The following UGT2B7 variants were observed in gnomAD, a reference collection of about 807,000 sequenced individuals.
UGT2B7 encodes the protein UDP-glucuronosyltransferase 2B7.
In UGT2B7, 51 loss-of-function variants were observed where a neutral mutation model predicts 51.9. The ratio of observed to expected loss-of-function variants is 0.98; its 90% CI spans 0.78 to 1.24. UGT2B7 has a LOEUF of 1.24. UGT2B7 is among the 50% of genes most tolerant of loss of function. The probability of loss-of-function intolerance (pLI) is 0.00; values close to 1 mark genes in which losing one functional copy is unlikely to be tolerated. For synonymous variants in UGT2B7, 225 were observed against 211.6 expected (o/e 1.06, Z -0.55); for missense variants, 727 against 628.4 (o/e 1.16, Z -1.68).
chr4:69,060,454 C>T (rs1046621575), intron 1 of UGT2B7, among the ~76,000 whole-genome samples: 1 of 152,182 alleles, frequency 6.6e-6, no homozygotes, highest in African/African-American at 2.4e-5. Context: ...GGAGCTCCTC[C>T]TCTGGGAGGC....
intron 1 of UGT2B7, among the ~76,000 whole-genome samples, chr4:69,057,869 T>G (rs924717819): frequency 6.6e-6 from 1 of 151,728 alleles, no homozygotes; most frequent in Non-Finnish European, 1.5e-5. Flanking sequence ...TAGCCCTCTT[T>G]TGGTGTTGGC....
intron 4 of UGT2B7, 108 bp from the exon 5 acceptor site, chr4:69,107,995 A>T: frequency 1.4e-6 from 2 of 1,389,390 alleles, no homozygotes; most frequent in Non-Finnish European, 2.0e-6. Flanking sequence ...ACACAATTTT[A>T]ATTTAGTTCA....
At position 69,098,569 on chromosome 4, in the gene UGT2B7, G is replaced by C. The variant is rs775847511; in HGVS notation, c.751G>C (p.Gly251Arg). 46 of 1,610,278 alleles carry C rather than the reference G, an allele frequency of 2.9e-5. No individual in the cohort carries two copies. The highest frequency in any genetic ancestry group is 3.7e-5 in the Non-Finnish European group (44 of 1,178,570). ...GRPTTLSETM[G>R]KADVWLIRNS... is the part of the protein sequence containing the mutation. ...ACCCACTACATTATCTGAGACAATG[G>C]GGAAAGCTGACGTATGGCTTATTCG... is the stretch of plus-strand genomic sequence containing the variant. Residue 251 changes from glycine to arginine, a missense_variant, in exon 2 of 6, where the codon GGG becomes CGG. Transcript: ENST00000305231.
chr4:69,079,938 T>G (rs1234606563), intron 1 of UGT2B7, among the ~76,000 whole-genome samples: 2 of 152,132 alleles, frequency 1.3e-5, no homozygotes, highest in Non-Finnish European at 2.9e-5. Flanking sequence ...GGAAATAATA[T>G]TTATTGTCAA....
At position 69,064,112 on chromosome 4, in the gene UGT2B7, A is replaced by AAGAAAGAAAGAAAGAAAGAAAGAAAG. The variant is rs754723956; in HGVS notation, c.-159+12511_-159+12512insGAAAGAAAGAAAGAAAGAAAGAAAGA. Among the ~76,000 whole-genome samples, 267 of 86,754 alleles carry AAGAAAGAAAGAAAGAAAGAAAGAAAG rather than the reference A, an allele frequency of 3.1e-3. 14 individuals are homozygous for AAGAAAGAAAGAAAGAAAGAAAGAAAG. Among genetic ancestry groups the AAGAAAGAAAGAAAGAAAGAAAGAAAG allele is most frequent in the Middle Eastern group, 0.011 (2 of 174 alleles). The allele number at this position is 86,754 out of a possible 152,430, so 56.9% of individuals were successfully genotyped here. On this transcript the variant is annotated intron_variant, in intron 1 of 5. Coordinates refer to the UGT2B7 transcript ENST00000502942. The stretch of plus-strand genomic sequence containing the variant: ...AGAAAGAAAGAGAAAGAAAGAAAGA[A>AAGAAAGAAAGAAAGAAAGAAAGAAAG]AAAGAAAGAAAGAAAGAAAGAAAGA...
chr4:69,077,679 G>A (rs1200858429), intron 1 of UGT2B7, among the ~76,000 whole-genome samples: 2 of 152,046 alleles, frequency 1.3e-5, no homozygotes, highest in African/African-American at 4.8e-5. Context: ...AGGAGATTTG[G>A]GGCTGAGACA....
At chr4:69,057,735 C>A (rs997232717) in intron 1 of UGT2B7, among the ~76,000 whole-genome samples, 17 of 152,172 alleles carry the variant, frequency 1.1e-4, no homozygotes, top group Admixed American at 1.0e-3. Context: ...GGAGGAAAAT[C>A]CTCAAAACCC....
At chr4:69,067,526 CA>C (rs1188325444) in intron 1 of UGT2B7, 1 of 155,722 alleles carries the variant, frequency 6.4e-6, no homozygotes, top group African/African-American at 2.4e-5. Flanking sequence ...ACTTTGCTCA[CA>C]TGAAGGCTAA....
At chr4:69,076,373 G>T (rs1450305057) in intron 1 of UGT2B7, among the ~76,000 whole-genome samples, 1 of 152,132 alleles carries the variant, frequency 6.6e-6, no homozygotes, top group Non-Finnish European at 1.5e-5. Context: ...CTTCCACAAT[G>T]GTTGAACTAA....
Position 69,097,119 on chromosome 4 carries a change from A to C in UGT2B7, c.599A>C (p.Glu200Ala). 1 of 1,613,714 alleles carries C rather than the reference A, an allele frequency of 6.2e-7. No homozygotes were observed. The highest frequency in any genetic ancestry group is 1.3e-5 in the African/African-American group (1 of 75,010). ...PPSYVPVVMS[E>A]LTDQMTFMER... is the part of the protein sequence containing the mutation. The stretch of plus-strand genomic sequence containing the variant: ...TCCTACGTACCTGTTGTTATGTCAG[A>C]ATTAACTGATCAAATGACTTTCATG... The change falls in exon 1 of 6, where the codon GAA (glutamate) becomes GCA (alanine). Residue 200 changes from glutamate (E) to alanine (A), a missense_variant. Coordinates refer to ENST00000305231, the MANE Select transcript of UGT2B7 (RefSeq NM_001074.4).
chr4:69,100,350 C>T (rs966697827), intron 2 of UGT2B7, among the ~76,000 whole-genome samples: 3 of 151,872 alleles, frequency 2.0e-5, no homozygotes. Context: ...TGAAGGAACA[C>T]AATAAACTCA....
At chr4:69,058,564 G>C (rs1407492019) in intron 1 of UGT2B7, among the ~76,000 whole-genome samples, 1 of 152,298 alleles carries the variant, frequency 6.6e-6, no homozygotes, top group East Asian at 1.9e-4. Context: ...AAATCTCATA[G>C]GTGCTTCAGG....
chr4:69,106,102 CTT>C (rs1314745169), intron 3 of UGT2B7, among the ~76,000 whole-genome samples: 7 of 151,834 alleles, frequency 4.6e-5, no homozygotes, highest in Non-Finnish European at 8.8e-5. Flanking sequence ...ATTAATTTAA[CTT>C]TTATTTGTAA....
At chr4:69,074,793 C>G (rs1375883737) in intron 1 of UGT2B7, among the ~76,000 whole-genome samples, 5 of 152,088 alleles carry the variant, frequency 3.3e-5, no homozygotes, top group Non-Finnish European at 7.4e-5. Context: ...ATAGTTTTCA[C>G]AAGCATCTAT....
chr4:69,112,349 T>C (rs1420924291), intron 5 of UGT2B7, 108 bp from the exon 6 acceptor site: 1 of 1,427,276 alleles, frequency 7.0e-7, no homozygotes, highest in Non-Finnish European at 9.4e-7. Context: ...AGAGGAGTCT[T>C]GCCGATGCTC....
At chr4:69,102,227 C>T (rs1484942826) in intron 2 of UGT2B7, among the ~76,000 whole-genome samples, 1 of 152,040 alleles carries the variant, frequency 6.6e-6, no homozygotes, top group Non-Finnish European at 1.5e-5. Flanking sequence ...TACCAGAAAA[C>T]TCTGACAAAC....
chr4:69,085,412 G>A (rs1243725965), intron 1 of UGT2B7, among the ~76,000 whole-genome samples: 1 of 151,988 alleles, frequency 6.6e-6, no homozygotes, highest in African/African-American at 2.4e-5. Context: ...CTTTCTGTAG[G>A]TTTCCTGTTC....
chr4:69,108,714 TTTA>T (rs1331895499), intron 5 of UGT2B7, among the ~76,000 whole-genome samples: 5 of 152,168 alleles, frequency 3.3e-5, no homozygotes, highest in African/African-American at 1.2e-4. Context: ...AAAATTAACT[TTTA>T]TTATTATCAT....
At position 69,098,683 on chromosome 4, in the gene UGT2B7, C is replaced by T; in HGVS notation, c.865C>T (p.Pro289Ser). The T allele has an allele frequency of 1.9e-6, 3 of 1,609,320 alleles. No homozygotes were observed. The highest frequency in any genetic ancestry group is 2.7e-5 in the African/African-American group (2 of 74,536). Residue 289 changes from proline (P) to serine (S), a missense_variant, in exon 2 of 6, where the codon CCT (proline) becomes TCT (serine). Transcript: ENST00000305231. ...GLHCKPAKPLPKEMEDFVQSS... is the reference protein window; with the variant it reads ...GLHCKPAKPLSKEMEDFVQSS... ...CCACTGCAAACCTGCCAAACCCCTGCCTAAGGTAAACATACTTTTGTTGGT... is the reference window on the plus strand; with the variant it reads ...CCACTGCAAACCTGCCAAACCCCTGTCTAAGGTAAACATACTTTTGTTGGT...
Sources: allele counts gnomAD v4.1 joint callset (sites outside exome capture counted in the v4.1 genomes callset), GRCh38; gene constraint gnomAD v4.1.1; transcripts MANE v1.5; gene names NCBI Gene and HGNC (gene_info 2026-07-23, HGNC 2026-07-21).